The following OPCML variants were observed in gnomAD, a reference collection of about 807,000 sequenced individuals.
The protein encoded by OPCML is opioid-binding protein/cell adhesion molecule.
A neutral mutation model predicts 37.8 loss-of-function variants in OPCML; 13 were observed. That is an observed-to-expected ratio of 0.34 (90% CI 0.22 to 0.55). The LOEUF (loss-of-function observed/expected upper bound fraction) is 0.55, where lower values mean the gene tolerates loss of function less well. OPCML is among the 20% of genes least tolerant of loss of function. The pLI, the probability that OPCML is intolerant of heterozygous loss-of-function variation, is 0.91. For missense variants in OPCML, 341 were observed against 435.6 expected, an observed-to-expected ratio of 0.78 and a Z score of 1.93; for synonymous variants, 176 against 168.8, an observed-to-expected ratio of 1.04 and a Z score of -0.33.
intron 2 of OPCML, among the ~76,000 whole-genome samples, chr11:132,818,612 A>AGATAGATAGATAGATAGAT (rs1168844624): frequency 0.016 from 756 of 46,558 alleles, 3 homozygotes; most frequent in Middle Eastern, 0.057. Flanking sequence ...GATAGATGAT[A>AGATAGATAGATAGATAGAT]GATAGATAGA....
chr11:132,989,553 G>C (rs1946736637), intron 1 of OPCML, among the ~76,000 whole-genome samples: 1 of 152,002 alleles, frequency 6.6e-6, no homozygotes, highest in Non-Finnish European at 1.5e-5. Flanking sequence ...GAGGATGGAT[G>C]GGGGAGGACC....
intron 4 of OPCML, among the ~76,000 whole-genome samples, chr11:132,487,489 A>G (rs777713211): frequency 1.3e-4 from 20 of 152,216 alleles, no homozygotes; most frequent in Non-Finnish European, 2.4e-4. Context: ...CCTGGACTAC[A>G]GTAACGGTGA....
chr11:133,160,579 G>T (rs1417075900), intron 1 of OPCML, among the ~76,000 whole-genome samples: 1 of 152,186 alleles, frequency 6.6e-6, no homozygotes, highest in Non-Finnish European at 1.5e-5. Context: ...TGCTACATTG[G>T]CCTACCAACT....
intron 4 of OPCML, among the ~76,000 whole-genome samples, chr11:132,512,988 T>A (rs1027735620): frequency 6.6e-6 from 1 of 152,034 alleles, no homozygotes; most frequent in African/African-American, 2.4e-5. Flanking sequence ...AAGATTTTTT[T>A]AAATAAAAAG....
chr11:132,993,085 C>T (rs1307883491), intron 1 of OPCML, among the ~76,000 whole-genome samples: 1 of 152,184 alleles, frequency 6.6e-6, no homozygotes, highest in Admixed American at 6.5e-5. Context: ...CTCCTGCTTC[C>T]CACCCTCCTT....
At chr11:132,727,863 T>A (rs1455371615) in intron 2 of OPCML, among the ~76,000 whole-genome samples, 1 of 152,174 alleles carries the variant, frequency 6.6e-6, no homozygotes, top group Non-Finnish European at 1.5e-5. Flanking sequence ...AGCTCAGCAG[T>A]GGCAAGGCCG....
intron 1 of OPCML, among the ~76,000 whole-genome samples, chr11:133,187,492 C>T (rs1938133895): frequency 6.6e-6 from 1 of 152,158 alleles, no homozygotes; most frequent in Non-Finnish European, 1.5e-5. Context: ...GATACCTATT[C>T]AGTTGCTTCT....
At chr11:132,604,502 T>A (rs1938142968) in intron 3 of OPCML, among the ~76,000 whole-genome samples, 1 of 152,070 alleles carries the variant, frequency 6.6e-6, no homozygotes, top group South Asian at 2.1e-4. Flanking sequence ...AATCATCAGC[T>A]CCCTCTCTGA....
intron 4 of OPCML, among the ~76,000 whole-genome samples, chr11:132,437,799 T>C (rs1376012245): frequency 6.6e-6 from 1 of 152,208 alleles, no homozygotes; most frequent in African/African-American, 2.4e-5. Flanking sequence ...TGTAGAAATG[T>C]TTTTGTATGC....
At chr11:133,209,352 C>A (rs533070557) in intron 1 of OPCML, among the ~76,000 whole-genome samples, 91 of 152,116 alleles carry the variant, frequency 6.0e-4, no homozygotes, top group Non-Finnish European at 7.4e-4. Flanking sequence ...GGTTTGAGAA[C>A]AAGGGTTTCA....
rs1950003534 is a variant in OPCML at position 133,152,645 on chromosome 11, A to G, written c.62-209635T>C. Among the ~76,000 whole-genome samples, 3 of 151,868 alleles carry G rather than the reference A, an allele frequency of 2.0e-5. No individual in the cohort carries two copies. The South Asian group carries it at 6.2e-4, about 32-fold the overall frequency. On this transcript the variant is annotated intron_variant, in intron 1 of 7. Coordinates refer to ENST00000524381, the MANE Select transcript of OPCML (RefSeq NM_001012393.5). The stretch of plus-strand genomic sequence containing the variant: ...AGAGACATTTCTTCAGTAATCTGGG[A>G]GTGTTCACGTGCTAATGCAGGTAAA...
At chr11:132,628,302 A>G (rs1939869371) in intron 3 of OPCML, among the ~76,000 whole-genome samples, 1 of 152,204 alleles carries the variant, frequency 6.6e-6, no homozygotes, top group South Asian at 2.1e-4. Context: ...AGGTTAGAAG[A>G]AAAGTATAAT....
chr11:133,007,400 C>T, intron 1 of OPCML: 1 of 985,408 alleles, frequency 1.0e-6, no homozygotes, highest in African/African-American at 1.7e-5. Flanking sequence ...GCTTATCGCC[C>T]CATTAAAGAG....
chr11:133,116,263 G>A (rs1029066108), intron 1 of OPCML, among the ~76,000 whole-genome samples: 1 of 152,106 alleles, frequency 6.6e-6, no homozygotes, highest in East Asian at 1.9e-4. Flanking sequence ...CACTGCACCC[G>A]GCCAAGGGCA....
chr11:132,965,258 T>C (rs569778935), intron 1 of OPCML, among the ~76,000 whole-genome samples: 5 of 152,226 alleles, frequency 3.3e-5, no homozygotes, highest in Middle Eastern at 3.4e-3. Context: ...CTCTCTTTTT[T>C]GGGGGGAGGA....
intron 4 of OPCML, among the ~76,000 whole-genome samples, chr11:132,507,764 A>G (rs1176480150): frequency 1.3e-5 from 2 of 151,892 alleles, no homozygotes; most frequent in African/African-American, 2.4e-5. Context: ...GGTGTTGTAA[A>G]CAAAACTTAC....
chr11:132,750,463 T>A (rs2136067085), intron 2 of OPCML, among the ~76,000 whole-genome samples: 1 of 152,144 alleles, frequency 6.6e-6, no homozygotes, highest in South Asian at 2.1e-4. Context: ...CCATTCCAAA[T>A]AAAGGAAGGA....
At chr11:132,460,709 C>T (rs529031140) in intron 4 of OPCML, among the ~76,000 whole-genome samples, 3 of 152,180 alleles carry the variant, frequency 2.0e-5, no homozygotes, top group Admixed American at 6.5e-5. Flanking sequence ...CAGAGAGAAT[C>T]GCCAAACTTC....
chr11:132,792,778 G>C (rs1938013716), intron 2 of OPCML, among the ~76,000 whole-genome samples: 1 of 152,194 alleles, frequency 6.6e-6, no homozygotes, highest in Non-Finnish European at 1.5e-5. Context: ...TGAGTGCAAG[G>C]GTGGCTCCCG....
Sources: allele counts gnomAD v4.1 joint callset (sites outside exome capture counted in the v4.1 genomes callset), GRCh38; gene constraint gnomAD v4.1.1; transcripts MANE v1.5; gene names NCBI Gene and HGNC (gene_info 2026-07-23, HGNC 2026-07-21).